Variants in PCDHGA6 observed in about 807,000 individuals in gnomAD.
PCDHGA6 encodes protocadherin gamma subfamily A, 6.
Under a neutral mutation model 60.6 loss-of-function variants are expected in PCDHGA6, and 41 were observed. The observed-to-expected ratio is 0.68, with a 90% CI of 0.53 to 0.88. The LOEUF (loss-of-function observed/expected upper bound fraction) is 0.88, where lower values mean the gene tolerates loss of function less well. Among genes scored for constraint, PCDHGA6 ranks in the 40% least tolerant of loss-of-function variants. The pLI, the probability that PCDHGA6 is intolerant of heterozygous loss-of-function variation, is 0.00. For missense variants in PCDHGA6, 1,312 were observed against 1,203.0 expected, an observed-to-expected ratio of 1.09 and a Z score of -1.34; for synonymous variants, 594 against 524.4, an observed-to-expected ratio of 1.13 and a Z score of -1.81.
chr5:141,398,586 A>C, intron 1 of PCDHGA6: 1 of 1,614,054 alleles, frequency 6.2e-7, no homozygotes, highest in Admixed American at 1.7e-5. Flanking sequence ...CAAGATTTAT[A>C]CTAGAAGTAG....
At chr5:141,385,423 A>G in intron 1 of PCDHGA6, 4 of 1,462,490 alleles carry the variant, frequency 2.7e-6, no homozygotes, top group Non-Finnish European at 3.6e-6. Context: ...GATTTAAAAA[A>G]CTTTATAGAG....
At chr5:141,400,214 C>T in intron 1 of PCDHGA6, 1 of 1,614,042 alleles carries the variant, frequency 6.2e-7, no homozygotes, top group Non-Finnish European at 8.5e-7. Context: ...GCCTTGATCT[C>T]AGTGCTCTTC....
intron 1 of PCDHGA6, chr5:141,400,051 G>A (rs1253013919): frequency 6.2e-7 from 1 of 1,613,762 alleles, no homozygotes; most frequent in East Asian, 2.2e-5. Flanking sequence ...GCTGGTTGCT[G>A]TGCGTGATGG....
At chr5:141,453,871 A>T (rs561367146) in intron 1 of PCDHGA6, among the ~76,000 whole-genome samples, 8 of 152,364 alleles carry the variant, frequency 5.3e-5, no homozygotes, top group African/African-American at 1.9e-4. Flanking sequence ...ACAGATGAGC[A>T]AAATAATGTG....
intron 1 of PCDHGA6, 72 bp downstream of exon 1, chr5:141,376,579 T>C: frequency 6.3e-7 from 1 of 1,590,894 alleles, no homozygotes; most frequent in Non-Finnish European, 8.6e-7. Context: ...GACAGGCTCA[T>C]CAGCTAGATC....
intron 1 of PCDHGA6, chr5:141,399,381 C>T: frequency 1.2e-6 from 2 of 1,613,982 alleles, no homozygotes; most frequent in Non-Finnish European, 8.5e-7. Flanking sequence ...ATGTCACCAT[C>T]ACAGCCACAG....
intron 1 of PCDHGA6, chr5:141,393,562 A>C: frequency 6.2e-7 from 1 of 1,613,964 alleles, no homozygotes; most frequent in Non-Finnish European, 8.5e-7. Context: ...TACCGAGTGA[A>C]AGTCCTTGAG....
chr5:141,509,300 G>A (rs987250093), intron 3 of PCDHGA6, among the ~76,000 whole-genome samples: 5 of 152,216 alleles, frequency 3.3e-5, no homozygotes, highest in African/African-American at 1.2e-4. Flanking sequence ...GGTGGAGGCA[G>A]AGGGAGGCTG....
chr5:141,390,207 C>G (rs1359982168), intron 1 of PCDHGA6: 5 of 1,614,028 alleles, frequency 3.1e-6, no homozygotes, highest in African/African-American at 1.3e-5. Flanking sequence ...GAGTTCAGGA[C>G]AAGACATACT....
rs1446853595 is a variant in PCDHGA6, at chr5:141,491,363, C to T, written c.2425-3444C>T. ...ACCGTCAGTCTCTTATCCCTAGTCA[C>T]CTTCACCTTTCTGTCAGCGAAGTGC... On this transcript the variant is annotated intron_variant, in intron 1 of 3. Coordinates refer to ENST00000517434, the MANE Select transcript of PCDHGA6 (RefSeq NM_018919.3). This position sits in a 1 kb window ranked among gnomAD's most constrained non-coding sequence, Gnocchi z 6.9. The T allele has an allele frequency of 6.2e-7, 1 of 1,614,182 alleles. No individual in the cohort carries two copies. Among genetic ancestry groups the T allele is most frequent in the South Asian group, 1.1e-5 (1 of 91,082 alleles).
Position 141,511,380 on chromosome 5 carries a change from C to T in PCDHGA6, c.*207C>T, listed in dbSNP as rs896762148. 1.5e-5 allele frequency: 18 copies of T among 1,170,372 alleles called. No homozygotes were observed. The highest frequency in any genetic ancestry group is 3.0e-4 in the Middle Eastern group (1 of 3,384). 72.5% of individuals were successfully genotyped at this position (1,170,372 alleles called of 1,614,324 possible). ...GGGGTTGAATATGCAAAAGCAGTTC[C>T]GCTGGGAACCCCCATCCAATCAACT... is the stretch of plus-strand genomic sequence containing the variant. On this transcript the variant is annotated 3_prime_UTR_variant, in exon 4 of 4. Coordinates refer to ENST00000517434, the MANE Select transcript of PCDHGA6 (RefSeq NM_018919.3).
chr5:141,400,027 G>A, intron 1 of PCDHGA6: 20 of 1,612,664 alleles, frequency 1.2e-5, no homozygotes, highest in Non-Finnish European at 1.7e-5. Flanking sequence ...CAGGGACGCG[G>A]CCCGCCAGCG....
At chr5:141,426,052 G>T (rs2096912121) in intron 1 of PCDHGA6, among the ~76,000 whole-genome samples, 1 of 152,162 alleles carries the variant, frequency 6.6e-6, no homozygotes, top group South Asian at 2.1e-4. Flanking sequence ...TGGCCAATGT[G>T]CTGCAAGAAC....
intron 1 of PCDHGA6, chr5:141,415,746 T>TTG: frequency 3.0e-6 from 2 of 662,596 alleles, no homozygotes; most frequent in Non-Finnish European, 3.7e-6. Flanking sequence ...TAAGGTTTTT[T>TTG]TTTTTTTTTT....
At chr5:141,390,867 CGTGTGTGTGT>C (rs61319619) in intron 1 of PCDHGA6, 1 of 151,040 alleles carries the variant, frequency 6.6e-6, no homozygotes, top group African/African-American at 2.5e-5. Context: ...GCTGTGTGTG[CGTGTGTGTGT>C]GTGTGTGTGT....
At chr5:141,451,812 C>T (rs974567828) in intron 1 of PCDHGA6, among the ~76,000 whole-genome samples, 1 of 149,686 alleles carries the variant, frequency 6.7e-6, no homozygotes, top group Non-Finnish European at 1.5e-5. Context: ...ACCCAGGAGG[C>T]GGAGGTTACA....
Position 141,431,534 on chromosome 5 carries a change from A to G in PCDHGA6, c.2424+55027A>G, listed in dbSNP as rs1331176313. Reference sequence around the variant, plus strand: ...CGTTCCGGAGAATCTGGCCTTGGGCACGCAGCTGCTTGTAGTCAACGCTAC... The same window carrying G: ...CGTTCCGGAGAATCTGGCCTTGGGCGCGCAGCTGCTTGTAGTCAACGCTAC... On this transcript the variant is annotated intron_variant, in intron 1 of 3. Coordinates refer to ENST00000517434, the MANE Select transcript of PCDHGA6 (RefSeq NM_018919.3). This position sits in a 1 kb window ranked among gnomAD's most constrained non-coding sequence, Gnocchi z 4.8. The G allele has an allele frequency of 1.2e-6, 2 of 1,614,110 alleles. No individual in the cohort carries two copies. The highest frequency in any genetic ancestry group is 8.5e-7 in the Non-Finnish European group (1 of 1,180,042).
intron 1 of PCDHGA6, chr5:141,395,513 C>T: frequency 2.4e-6 from 1 of 420,938 alleles, no homozygotes; most frequent in South Asian, 3.5e-5. Context: ...GAAGTAGCTA[C>T]CCGTCCATAC....
intron 1 of PCDHGA6, chr5:141,415,515 G>C: frequency 6.2e-7 from 1 of 1,614,152 alleles, no homozygotes; most frequent in Non-Finnish European, 8.5e-7. Flanking sequence ...CCAATTATGC[G>C]GACACGCTCA....
Sources: allele counts gnomAD v4.1 joint callset (sites outside exome capture counted in the v4.1 genomes callset), GRCh38; gene constraint gnomAD v4.1.1; non-coding constraint Gnocchi (gnomAD v3.1); transcripts MANE v1.5; gene names NCBI Gene and HGNC (gene_info 2026-07-23, HGNC 2026-07-21).